SCYL3: variants seen among roughly 807,000 people sequenced by gnomAD.
The protein encoded by SCYL3 is SCY1 like pseudokinase 3, also known as protein-associating with the carboxyl-terminal domain of ezrin.
A neutral mutation model predicts 73.8 loss-of-function variants in SCYL3; 35 were observed. That is an observed-to-expected ratio of 0.47 (90% CI 0.36 to 0.63). The LOEUF (loss-of-function observed/expected upper bound fraction) is 0.63. Among genes scored for constraint, SCYL3 ranks in the 20% least tolerant of loss-of-function variants. The pLI, the probability that SCYL3 is intolerant of heterozygous loss-of-function variation, is 0.00. For synonymous variants in SCYL3, 277 were observed against 295.2 expected (o/e 0.94, Z 0.63); for missense variants, 712 against 798.9 (o/e 0.89, Z 1.31).
Position 169,854,725 on chromosome 1 carries a change from C to A in SCYL3, c.1552G>T (p.Asp518Tyr), listed in dbSNP as rs1272616323. Reference sequence around the variant, plus strand: ...GTATCTAAGCTGCTGGGCTCGCAGTCATCCCAAGATGACTCTTCCACATCC... The same window carrying A: ...GTATCTAAGCTGCTGGGCTCGCAGTAATCCCAAGATGACTCTTCCACATCC... ...TLDVEESSWD[D>Y]CEPSSLDTKV... is the part of the protein sequence containing the mutation. The change falls in exon 12 of 13, where the codon GAC becomes TAC. Residue 518 changes from aspartate to tyrosine, a missense_variant. Transcript: ENST00000367771. The A allele has an allele frequency of 1.9e-6, 3 of 1,614,010 alleles. No homozygotes were observed. In the South Asian group the frequency reaches 3.3e-5, roughly 18 times the overall value.
chr1:169,870,626 A>G (rs1020379372), intron 5 of SCYL3, among the ~76,000 whole-genome samples: 12 of 152,220 alleles, frequency 7.9e-5, no homozygotes, highest in African/African-American at 2.7e-4. Context: ...ATCCATGGTA[A>G]AGAATATGTC....
intron 3 of SCYL3, among the ~76,000 whole-genome samples, chr1:169,876,679 G>A (rs538242127): frequency 6.6e-6 from 1 of 152,160 alleles, no homozygotes; most frequent in South Asian, 2.1e-4. Flanking sequence ...AGACTGGCCA[G>A]GTGCAGTGGC....
chr1:169,852,901 C>A lies in SCYL3; in HGVS notation c.*812G>T. 1.2e-6 allele frequency: 2 copies of A among 1,614,062 alleles called. No homozygotes were observed. The highest frequency in any genetic ancestry group is 1.7e-6 in the Non-Finnish European group (2 of 1,179,992). On this transcript the variant is annotated 3_prime_UTR_variant, in exon 13 of 13. Coordinates refer to ENST00000367771, the MANE Select transcript of SCYL3 (RefSeq NM_020423.7). ...AACTGAGTCACTACTCCAAAAGGGT[C>A]CTGCTCCAGCCTGGCTTTCAATGGA... is the stretch of plus-strand genomic sequence containing the variant.
intron 11 of SCYL3, among the ~76,000 whole-genome samples, chr1:169,857,791 A>G (rs1246659495): frequency 6.6e-6 from 1 of 152,188 alleles, no homozygotes; most frequent in African/African-American, 2.4e-5. Flanking sequence ...TGCATCTTAG[A>G]CGATTTTGTC....
Position 169,868,928 on chromosome 1 carries a change from C to CTCT in SCYL3, c.736_737insAGA (p.Phe245_Arg246insLys). ...GCGTCACCACACCAGATGCCCTCAC[C>CTCT]TGAAGAAGTCATGAGATAGTAAGGT... On this transcript the variant is annotated inframe_insertion and splice_region_variant, in exon 7 of 13. Transcript: ENST00000367771. The CTCT allele has an allele frequency of 6.2e-7, 1 of 1,611,844 alleles. No individual in the cohort carries two copies. The highest frequency in any genetic ancestry group is 8.5e-7 in the Non-Finnish European group (1 of 1,178,098).
At chr1:169,889,769 G>GT (rs1010735796) in intron 1 of SCYL3, among the ~76,000 whole-genome samples, 1 of 152,170 alleles carries the variant, frequency 6.6e-6, no homozygotes, top group African/African-American at 2.4e-5. Flanking sequence ...GATGATGATG[G>GT]TAACGGGTGA....
rs144588369 is a variant in SCYL3 at position 169,870,258 on chromosome 1, G to C, written c.622C>G (p.Gln208Glu). 7 of 1,607,902 alleles carry C rather than the reference G, an allele frequency of 4.4e-6. No individual in the cohort carries two copies. In the African/African-American group the frequency reaches 8.0e-5, roughly 18 times the overall value. ...CAGTAGTATAACTCCAACTCACCCT[G>C]TTCATTTAAGATTGTGAGCAAACTT... is the stretch of plus-strand genomic sequence containing the variant. ...VESLLTILNE[Q>E]VSADVLSSFQ... The change falls in exon 6 of 13, where the codon CAG becomes GAG. Residue 208 changes from glutamine to glutamate, a missense_variant. Physicochemically the swap from Gln to Glu is conservative, Grantham distance 29 (BLOSUM62 2). Coordinates refer to ENST00000367771, the MANE Select transcript of SCYL3 (RefSeq NM_020423.7).
intron 9 of SCYL3, 58 bp downstream of exon 9, chr1:169,864,311 A>G (rs61807834): frequency 6.2e-6 from 10 of 1,603,856 alleles, no homozygotes; most frequent in Non-Finnish European, 8.5e-6. Flanking sequence ...CTGCTCAAAT[A>G]TGGACTAATA....
intron 10 of SCYL3, 28 bp downstream of exon 10, chr1:169,862,585 C>T: frequency 6.2e-7 from 1 of 1,612,296 alleles, no homozygotes; most frequent in South Asian, 1.1e-5. Flanking sequence ...GGTTCTGTGA[C>T]TACCCCACTG....
chr1:169,852,978 T>C lies in SCYL3; in HGVS notation c.*735A>G. 1 of 1,613,844 alleles carries C rather than the reference T, an allele frequency of 6.2e-7. No homozygotes were observed. The highest frequency in any genetic ancestry group is 8.5e-7 in the Non-Finnish European group (1 of 1,179,886). On this transcript the variant is annotated 3_prime_UTR_variant, in exon 13 of 13. Coordinates refer to ENST00000367771, the MANE Select transcript of SCYL3 (RefSeq NM_020423.7). ...ATAAGCTAAAACGTTACATACATAC[T>C]CTAGGGTGAAACTTATCACTAGGCA...
chr1:169,872,314 C>T (rs1423595174), intron 5 of SCYL3, among the ~76,000 whole-genome samples: 1 of 152,250 alleles, frequency 6.6e-6, no homozygotes, highest in Non-Finnish European at 1.5e-5. Flanking sequence ...GCCTTGGCAG[C>T]TTCACATGGT....
In SCYL3 at chr1:169,852,776, T is replaced by A. The variant is rs368906832; in HGVS notation, c.*937A>T. 1 of 1,612,304 alleles carries A rather than the reference T, an allele frequency of 6.2e-7. No homozygotes were observed. Among genetic ancestry groups the A allele is most frequent in the East Asian group, 2.2e-5 (1 of 44,872 alleles). On this transcript the variant is annotated 3_prime_UTR_variant, in exon 13 of 13. Transcript: ENST00000367771. ...AGAATGGATATTGTGATATTACTTA[T>A]GTTTTTTTTCCAGCCTTATGCAAAA...
intron 1 of SCYL3, among the ~76,000 whole-genome samples, chr1:169,893,301 A>T (rs1002185097): frequency 6.6e-6 from 1 of 152,086 alleles, no homozygotes; most frequent in African/African-American, 2.4e-5. Flanking sequence ...CTGGTCTTGG[A>T]TCAAGAATGA....
chr1:169,856,299 T>C (rs543427562), intron 11 of SCYL3, among the ~76,000 whole-genome samples: 1 of 152,296 alleles, frequency 6.6e-6, no homozygotes, highest in East Asian at 1.9e-4. Flanking sequence ...ACTTTCCTTT[T>C]AAGAATAAAA....
intron 5 of SCYL3, 131 bp from the exon 6 acceptor site, chr1:169,870,488 G>A: frequency 1.6e-6 from 1 of 636,292 alleles, no homozygotes; most frequent in Non-Finnish European, 2.8e-6. Flanking sequence ...ACACATGAAT[G>A]TATAGATTCT....
rs1351830057 is a variant in SCYL3 at position 169,852,462 on chromosome 1, A to G, written c.*1251T>C. 3.3e-6 allele frequency: 1 copy of G among 305,704 alleles called. No individual in the cohort carries two copies. Among genetic ancestry groups the G allele is most frequent in the Non-Finnish European group, 6.0e-6 (1 of 165,402 alleles). 18.9% of individuals were successfully genotyped at this position (305,704 alleles called of 1,614,324 possible). ...GATAAGTTTTAGTCAAACTCTCATA[A>G]AAAGAAAATACATTTATGAACTTGT... is the stretch of plus-strand genomic sequence containing the variant. On this transcript the variant is annotated 3_prime_UTR_variant, in exon 13 of 13. Transcript: ENST00000367771.
At chr1:169,889,837 C>G (rs1165028125) in intron 1 of SCYL3, among the ~76,000 whole-genome samples, 2 of 152,148 alleles carry the variant, frequency 1.3e-5, no homozygotes, top group Non-Finnish European at 2.9e-5. Context: ...AATTACGCCT[C>G]AAAGTTGTTT....
intron 2 of SCYL3, among the ~76,000 whole-genome samples, chr1:169,883,491 G>GTCCA (rs1558143509): frequency 6.6e-6 from 1 of 152,140 alleles, no homozygotes; most frequent in East Asian, 1.9e-4. Flanking sequence ...GGAGGAGAGT[G>GTCCA]ATGAAATATT....
intron 9 of SCYL3, 42 bp downstream of exon 9, chr1:169,864,327 C>A: frequency 6.2e-7 from 1 of 1,613,038 alleles, no homozygotes; most frequent in Non-Finnish European, 8.5e-7. Flanking sequence ...TAATAATCAC[C>A]AAACTTCTTA....
Sources: gnomAD v4.1 joint callset for allele counts (sites outside exome capture counted in the v4.1 genomes callset) on GRCh38, gnomAD v4.1.1 for gene constraint, MANE v1.5 for transcripts, NCBI Gene and HGNC (gene_info 2026-07-23, HGNC 2026-07-21) for gene names.